ZNF695: variants seen among roughly 807,000 people sequenced by gnomAD.
ZNF695 encodes zinc finger protein 695, also known as zinc finger protein SBZF3.
A neutral mutation model predicts 11.2 loss-of-function variants in ZNF695; 11 were observed. The observed-to-expected ratio is 0.98, with a 90% CI of 0.62 to 1.62. The LOEUF (loss-of-function observed/expected upper bound fraction) is 1.62, where lower values mean the gene tolerates loss of function less well. ZNF695 is among the 40% of genes most tolerant of loss of function. The probability of loss-of-function intolerance (pLI) is 0.00; values close to 1 mark genes in which losing one functional copy is unlikely to be tolerated. For missense variants in ZNF695, 559 were observed against 590.5 expected (o/e 0.95, Z 0.55); for synonymous variants, 190 against 201.4 (o/e 0.94, Z 0.48).
At chr1:246,964,551 T>C (rs1668240348) in intron 5 of ZNF695, among the ~76,000 whole-genome samples, 1 of 152,240 alleles carries the variant, frequency 6.6e-6, no homozygotes, top group African/African-American at 2.4e-5. Context: ...GGTTTGAATG[T>C]TTGTCTCTTC....
At chr1:246,947,199 G>T (rs1455736783) in intron 5 of ZNF695, among the ~76,000 whole-genome samples, 1 of 114,090 alleles carries the variant, frequency 8.8e-6, no homozygotes, top group Non-Finnish European at 1.9e-5. Flanking sequence ...TTTTTTTTGG[G>T]GGGGTGGTTT....
rs887413086 is a variant in ZNF695, at chr1:246,986,621, A to G, written c.*346T>C. ...TGAACACTCTGGTGTTTTCTGAGGT[A>G]TATTTTTTGAACAAATGTTGTTTCT... is the stretch of plus-strand genomic sequence containing the variant. On this transcript the variant is annotated 3_prime_UTR_variant, in exon 4 of 4. Coordinates refer to ENST00000339986, the MANE Select transcript of ZNF695 (RefSeq NM_020394.5). 3 of 1,015,326 alleles carry G rather than the reference A, an allele frequency of 3.0e-6. No individual in the cohort carries two copies. Among genetic ancestry groups the G allele is most frequent in the African/African-American group, 3.4e-5 (2 of 58,502 alleles). 62.9% of individuals were successfully genotyped at this position (1,015,326 alleles called of 1,614,324 possible). A position where few individuals can be genotyped will look rare whatever the true frequency, so the allele number is the denominator to read the frequency against.
At position 246,949,667 on chromosome 1, in the gene ZNF695, T is replaced by C. The variant is rs775978813; in HGVS notation, c.489-3840A>G. On this transcript the variant is annotated intron_variant, in intron 5 of 5. Transcript: ENST00000487338. ...CCTTCCTGACTGAGCTGCATGTTCT[T>C]ATTCTTACAGGTTCCCAACAGTGAC... 7.8e-4 allele frequency among the ~76,000 whole-genome samples: 118 copies of C among 152,138 alleles called. 1 individual carries two copies. The highest frequency in any genetic ancestry group is 2.2e-3 in the Admixed American group (33 of 15,278).
At chr1:247,002,754 G>A (rs1486391084) in intron 1 of ZNF695, among the ~76,000 whole-genome samples, 1 of 152,012 alleles carries the variant, frequency 6.6e-6, no homozygotes, top group Non-Finnish European at 1.5e-5. Context: ...CTGCACTACA[G>A]CCTGGGTGAA....
intron 5 of ZNF695, among the ~76,000 whole-genome samples, chr1:246,950,650 CAAAAAAAAAAAAAA>C (rs200143022): frequency 2.5e-4 from 26 of 105,372 alleles, no homozygotes; most frequent in African/African-American, 3.3e-4. Context: ...AACTCCGTTT[CAAAAAAAAAAAAAA>C]AAAAAAAAAA....
At chr1:246,955,094 C>T (rs552963594) in intron 5 of ZNF695, among the ~76,000 whole-genome samples, 3 of 152,116 alleles carry the variant, frequency 2.0e-5, no homozygotes, top group East Asian at 1.9e-4. Context: ...TAAGTCTGCA[C>T]GTGCTTTCTT....
At chr1:246,980,339 T>C (rs948144779), downstream of ZNF695, among the ~76,000 whole-genome samples, 1 of 152,016 alleles carries the variant, frequency 6.6e-6, no homozygotes, top group Non-Finnish European at 1.5e-5. Flanking sequence ...TTGGCTGTTA[T>C]ATTATACCTA....
chr1:246,948,191 G>A (rs1035032922), intron 5 of ZNF695, among the ~76,000 whole-genome samples: 6 of 151,866 alleles, frequency 4.0e-5, no homozygotes, highest in South Asian at 2.1e-4. Flanking sequence ...CTCCTGCCTC[G>A]GCCTCCTGAG....
intron 5 of ZNF695, among the ~76,000 whole-genome samples, chr1:246,964,276 A>T (rs1489812152): frequency 6.6e-6 from 1 of 152,042 alleles, no homozygotes. Context: ...GAGGATGGGG[A>T]GCTGAGCTGA....
chr1:246,962,733 C>A (rs1447003615), intron 5 of ZNF695, among the ~76,000 whole-genome samples: 1 of 151,650 alleles, frequency 6.6e-6, no homozygotes, highest in Non-Finnish European at 1.5e-5. Flanking sequence ...CGCTCTGTCA[C>A]CCAGGCTGCA....
At chr1:246,969,829 G>A (rs1197654496) in intron 4 of ZNF695, among the ~76,000 whole-genome samples, 2 of 152,162 alleles carry the variant, frequency 1.3e-5, no homozygotes, top group Admixed American at 6.5e-5. Flanking sequence ...AGAGAGCATA[G>A]GGGGAAGTGC....
Position 247,007,893 on chromosome 1 carries a change from T to C in ZNF695, c.3+13A>G. 6.5e-7 allele frequency: 1 copy of C among 1,545,102 alleles called. No individual in the cohort carries two copies. Among genetic ancestry groups the C allele is most frequent in the Non-Finnish European group, 8.8e-7 (1 of 1,140,568 alleles). ...CCTCTCCCTTCTCGGGACACCCTGC[T>C]CCGCACACTCACCATTTCCCAGCTT... is the stretch of plus-strand genomic sequence containing the variant. On this transcript the variant is annotated intron_variant, in intron 1 of 3. Transcript: ENST00000339986.
chr1:246,989,188 C>A (rs1223447468), intron 3 of ZNF695, among the ~76,000 whole-genome samples: 1 of 151,958 alleles, frequency 6.6e-6, no homozygotes. Context: ...TCGCTTGAAC[C>A]CGGGAGGTGG....
At chr1:246,957,403 G>A (rs2103002181) in intron 5 of ZNF695, among the ~76,000 whole-genome samples, 1 of 151,716 alleles carries the variant, frequency 6.6e-6, no homozygotes, top group East Asian at 1.9e-4. Flanking sequence ...AAAAGAATTG[G>A]GGAACACAAG....
chr1:246,951,368 G>C (rs190691169), intron 5 of ZNF695, among the ~76,000 whole-genome samples: 1 of 152,212 alleles, frequency 6.6e-6, no homozygotes, highest in Non-Finnish European at 1.5e-5. Flanking sequence ...ACACGGAGGG[G>C]AGATGGCCAC....
chr1:246,958,414 G>A (rs1668064593), intron 5 of ZNF695, among the ~76,000 whole-genome samples: 1 of 152,098 alleles, frequency 6.6e-6, no homozygotes, highest in East Asian at 1.9e-4. Flanking sequence ...CACAAAATAT[G>A]TGACTTTGAA....
At chr1:247,003,834 T>A (rs1669458517) in intron 1 of ZNF695, among the ~76,000 whole-genome samples, 1 of 152,260 alleles carries the variant, frequency 6.6e-6, no homozygotes, top group Non-Finnish European at 1.5e-5. Flanking sequence ...AAATACATTA[T>A]GTTCCACACT....
At chr1:246,996,636 T>C (rs975253183) in intron 3 of ZNF695, among the ~76,000 whole-genome samples, 1 of 152,234 alleles carries the variant, frequency 6.6e-6, no homozygotes, top group Non-Finnish European at 1.5e-5. Context: ...AAAAGCCCTT[T>C]GTCCTGATGT....
chr1:246,983,544 C>T (rs984695503), downstream of ZNF695, among the ~76,000 whole-genome samples: 5 of 152,020 alleles, frequency 3.3e-5, no homozygotes, highest in East Asian at 1.9e-4. Flanking sequence ...ATTGGCTGGG[C>T]GCAGTGGCTC....
Sources: allele counts gnomAD v4.1 joint callset (sites outside exome capture counted in the v4.1 genomes callset), GRCh38; gene constraint gnomAD v4.1.1; transcripts MANE v1.5; gene names NCBI Gene and HGNC (gene_info 2026-07-23, HGNC 2026-07-21).